Variants in LINGO2 observed in about 807,000 individuals in gnomAD.
LINGO2 encodes leucine rich repeat and Ig domain containing 2.
In LINGO2, 14 loss-of-function variants were observed where a neutral mutation model predicts 30.6. That is an observed-to-expected ratio of 0.46 (90% confidence interval 0.30 to 0.72). The LOEUF (loss-of-function observed/expected upper bound fraction) is 0.72, where lower values mean the gene tolerates loss of function less well. Among genes scored for constraint, LINGO2 ranks in the 30% least tolerant of loss-of-function variants. LINGO2 has a pLI of 0.07. For missense variants in LINGO2, 729 were observed against 751.7 expected, an observed-to-expected ratio of 0.97 and a Z score of 0.35; for synonymous variants, 317 against 288.5, an observed-to-expected ratio of 1.10 and a Z score of -1.00.
the LINGO2 span, among the ~76,000 whole-genome samples, chr9:28,711,236 T>C: frequency 6.6e-6 from 1 of 152,162 alleles, no homozygotes; most frequent in African/African-American, 2.4e-5. Flanking sequence ...ATTCTTAGTT[T>C]AATTGCAATA....
the LINGO2 span, among the ~76,000 whole-genome samples, chr9:28,935,666 A>C: frequency 0.9 from 135,908 of 151,822 alleles, 61,123 homozygotes; most frequent in Non-Finnish European, 0.94. Context: ...TATATATGTT[A>C]TAGAGTCATA....
At chr9:28,435,066 G>T (rs1015324728) in intron 2 of LINGO2, among the ~76,000 whole-genome samples, 19 of 151,878 alleles carry the variant, frequency 1.3e-4, no homozygotes, top group African/African-American at 4.6e-4. Flanking sequence ...TAACTTTTGG[G>T]AAACAAACTT....
intron 1 of LINGO2, among the ~76,000 whole-genome samples, chr9:28,579,384 G>A (rs771752666): frequency 1.3e-5 from 2 of 152,088 alleles, no homozygotes; most frequent in East Asian, 1.9e-4. Flanking sequence ...TAAGGAAACC[G>A]TATTGGTCAT....
At chr9:28,786,610 C>T in the LINGO2 span, among the ~76,000 whole-genome samples, 8 of 152,072 alleles carry the variant, frequency 5.3e-5, no homozygotes, top group Admixed American at 5.2e-4. Context: ...ATAGTGCAGA[C>T]AAATAGATAT....
chr9:28,122,597 C>T (rs924897690), intron 4 of LINGO2, among the ~76,000 whole-genome samples: 1 of 152,126 alleles, frequency 6.6e-6, no homozygotes, highest in African/African-American at 2.4e-5. Flanking sequence ...ACAGAAGAGT[C>T]GCTCTGTGGG....
chr9:28,351,009 G>C (rs1325894323), intron 3 of LINGO2, among the ~76,000 whole-genome samples: 1 of 152,068 alleles, frequency 6.6e-6, no homozygotes, highest in Non-Finnish European at 1.5e-5. Flanking sequence ...AGTGTGTAGA[G>C]GGAAAGTTAT....
chr9:28,532,752 A>T (rs1365921002), intron 1 of LINGO2, among the ~76,000 whole-genome samples: 1 of 151,994 alleles, frequency 6.6e-6, no homozygotes, highest in African/African-American at 2.4e-5. Context: ...TATGCTTCTG[A>T]TTGTGGAGGA....
chr9:28,293,124 A>G (rs1386582570), intron 4 of LINGO2, among the ~76,000 whole-genome samples: 2 of 151,128 alleles, frequency 1.3e-5, no homozygotes, highest in African/African-American at 2.4e-5. Flanking sequence ...TATAGACAGG[A>G]TCTCACCCTG....
chr9:28,704,954 TG>T, the LINGO2 span, among the ~76,000 whole-genome samples: 30 of 152,232 alleles, frequency 2.0e-4, 1 homozygote, highest in East Asian at 4.1e-3. Context: ...GCCTTTTGGT[TG>T]TAACTTTTTC....
At chr9:28,991,781 G>T in the LINGO2 span, among the ~76,000 whole-genome samples, 1 of 147,854 alleles carries the variant, frequency 6.8e-6, no homozygotes, top group Admixed American at 6.8e-5. Context: ...CATAAGTGAA[G>T]GAGAAATAAA....
the LINGO2 span, among the ~76,000 whole-genome samples, chr9:28,975,367 T>G: frequency 2.8e-4 from 43 of 152,350 alleles, no homozygotes; most frequent in African/African-American, 9.6e-4. Context: ...CTCAGATGGT[T>G]AATGTAATAT....
chr9:28,198,570 C>T (rs995614233), intron 4 of LINGO2, among the ~76,000 whole-genome samples: 1 of 151,996 alleles, frequency 6.6e-6, no homozygotes, highest in African/African-American at 2.4e-5. Context: ...TTAAATATGC[C>T]AAGTGAGTTT....
At chr9:28,414,611 C>A (rs1340483358) in intron 2 of LINGO2, among the ~76,000 whole-genome samples, 15 of 152,022 alleles carry the variant, frequency 9.9e-5, no homozygotes, top group Admixed American at 9.8e-4. Flanking sequence ...GTCCCCGAAA[C>A]TAATAACATG....
rs1563878536 is a variant in LINGO2, at chr9:28,632,720, C to CTCTATATAAATATAGAGATCTA, written c.-365+37479_-365+37480insTAGATCTCTATATTTATATAGA. The stretch of plus-strand genomic sequence containing the variant: ...TAGATCTATATATTTATATATAGAT[C>CTCTATATAAATATAGAGATCTA]TATATATAGATCTATATATTTATAT... On this transcript the variant is annotated intron_variant, in intron 1 of 5. Coordinates refer to ENST00000379992, the Ensembl canonical transcript of LINGO2. 9.6e-5 allele frequency among the ~76,000 whole-genome samples: 12 copies of CTCTATATAAATATAGAGATCTA among 125,596 alleles called. No homozygotes were observed. The East Asian group carries it at 2.6e-3, about 27-fold the overall frequency. The allele number at this position is 125,596 out of a possible 152,430, so 82.4% of individuals were successfully genotyped here. A position where few individuals can be genotyped will look rare whatever the true frequency, so the allele number is the denominator to read the frequency against.
the LINGO2 span, among the ~76,000 whole-genome samples, chr9:28,961,396 G>A: frequency 1.3e-5 from 2 of 152,096 alleles, no homozygotes; most frequent in African/African-American, 4.8e-5. Flanking sequence ...GGAATAACTT[G>A]TAACGTAATC....
chr9:28,721,547 A>G, the LINGO2 span, among the ~76,000 whole-genome samples: 1 of 152,148 alleles, frequency 6.6e-6, no homozygotes, highest in Non-Finnish European at 1.5e-5. Context: ...TTCTCAGAAA[A>G]CTAACACAGG....
At position 28,148,897 on chromosome 9, in the gene LINGO2, T is replaced by G. The variant is rs1827897100; in HGVS notation, c.-86-136492A>C. 1 of 1,533,710 alleles carries G rather than the reference T, an allele frequency of 6.5e-7. No homozygotes were observed. Among genetic ancestry groups the G allele is most frequent in the African/African-American group, 1.4e-5 (1 of 72,996 alleles). On this transcript the variant is annotated intron_variant, in intron 4 of 5. Coordinates refer to ENST00000379992, the Ensembl canonical transcript of LINGO2. The surrounding 1 kb of genome is among the most constrained non-coding windows in gnomAD (Gnocchi z 5.1). The stretch of plus-strand genomic sequence containing the variant: ...GGGAGGACATGCAGCCCAAGGATCC[T>G]GCAGCTCTTGGGTCAAGTAGGTCTT...
intron 4 of LINGO2, among the ~76,000 whole-genome samples, chr9:28,109,889 AACT>A (rs1461879323): frequency 6.6e-6 from 1 of 152,204 alleles, no homozygotes; most frequent in Admixed American, 6.5e-5. Flanking sequence ...TAGAAAAAAA[AACT>A]ACTTTAAATT....
At chr9:28,492,213 T>C (rs1290367332) in intron 1 of LINGO2, among the ~76,000 whole-genome samples, 1 of 152,218 alleles carries the variant, frequency 6.6e-6, no homozygotes, top group Non-Finnish European at 1.5e-5. Context: ...GTATCTTGCA[T>C]GTGCCAGTGA....
Sources: allele counts gnomAD v4.1 joint callset (sites outside exome capture counted in the v4.1 genomes callset), GRCh38; gene constraint gnomAD v4.1.1; non-coding constraint Gnocchi (gnomAD v3.1); transcripts MANE v1.5; gene names NCBI Gene and HGNC (gene_info 2026-07-23, HGNC 2026-07-21).